FOXP1: variants seen among roughly 807,000 people sequenced by gnomAD.
The protein encoded by FOXP1 is forkhead box P1.
Under a neutral mutation model 98.2 loss-of-function variants are expected in FOXP1, and 15 were observed. The ratio of observed to expected loss-of-function variants is 0.15; its 90% CI spans 0.10 to 0.24. FOXP1 has a LOEUF of 0.24. Among genes scored for constraint, FOXP1 ranks in the 10% least tolerant of loss-of-function variants. FOXP1 has a pLI of 1.00. For synonymous variants in FOXP1, 371 were observed against 314.5 expected (o/e 1.18, Z -1.90); for missense variants, 633 against 848.5 (o/e 0.75, Z 3.15).
intron 5 of FOXP1, among the ~76,000 whole-genome samples, chr3:71,228,967 G>GTTT (rs1553789880): frequency 1.9e-4 from 11 of 59,370 alleles, no homozygotes; most frequent in African/African-American, 6.1e-4. Flanking sequence ...ACTGTTGGTT[G>GTTT]TTTTTTTTTT....
intron 5 of FOXP1, among the ~76,000 whole-genome samples, chr3:71,204,690 G>T (rs2063905563): frequency 6.6e-6 from 1 of 152,190 alleles, no homozygotes; most frequent in African/African-American, 2.4e-5. Flanking sequence ...CAGACAGAAA[G>T]ATGGCAGCCC....
intron 5 of FOXP1, among the ~76,000 whole-genome samples, chr3:71,299,046 C>T (rs572000069): frequency 1.3e-5 from 2 of 152,168 alleles, no homozygotes; most frequent in East Asian, 1.9e-4. Context: ...TTAAAACGAC[C>T]GGCAGGATCA....
chr3:71,138,164 G>A (rs562332219), intron 6 of FOXP1, among the ~76,000 whole-genome samples: 10 of 152,268 alleles, frequency 6.6e-5, no homozygotes, highest in African/African-American at 2.2e-4. Context: ...TCCTGTGTGC[G>A]CAGAATGGTG....
intron 3 of FOXP1, among the ~76,000 whole-genome samples, chr3:71,362,157 T>C (rs946817625): frequency 1.3e-4 from 20 of 152,066 alleles, no homozygotes; most frequent in Admixed American, 6.5e-5. Flanking sequence ...GAATGAAAAT[T>C]TGTGTTTTAT....
chr3:71,266,567 T>C (rs2069687757), intron 5 of FOXP1, among the ~76,000 whole-genome samples: 1 of 152,166 alleles, frequency 6.6e-6, no homozygotes, highest in Admixed American at 6.5e-5. Context: ...CTTTTGCTTA[T>C]TTTTATTTTT....
chr3:71,462,012 A>C (rs1041481118), intron 3 of FOXP1, among the ~76,000 whole-genome samples: 2 of 152,180 alleles, frequency 1.3e-5, no homozygotes, highest in African/African-American at 4.8e-5. Context: ...GAATGCTAAC[A>C]AGGACGTCCC....
intron 5 of FOXP1, among the ~76,000 whole-genome samples, chr3:71,200,083 CAAAAAAAAAAAA>C (rs61281811): frequency 2.6e-5 from 2 of 76,110 alleles, no homozygotes; most frequent in African/African-American, 1.1e-4. Context: ...CTCCATCTCA[CAAAAAAAAAAAA>C]AAAAAAAAAA....
intron 3 of FOXP1, among the ~76,000 whole-genome samples, chr3:71,420,088 C>T (rs976675677): frequency 4.6e-5 from 7 of 152,198 alleles, no homozygotes; most frequent in African/African-American, 4.8e-5. Context: ...GGAGCCACTG[C>T]GCCCGACCAG....
chr3:71,476,385 G>C (rs1273467529), intron 3 of FOXP1, among the ~76,000 whole-genome samples: 1 of 148,562 alleles, frequency 6.7e-6, no homozygotes, highest in Non-Finnish European at 1.5e-5. Flanking sequence ...TCCTTCTGTT[G>C]GATATTTCTT....
At chr3:71,524,773 G>C (rs2043244475) in intron 2 of FOXP1, among the ~76,000 whole-genome samples, 1 of 152,206 alleles carries the variant, frequency 6.6e-6, no homozygotes, top group Non-Finnish European at 1.5e-5. Flanking sequence ...GGACTAGGCA[G>C]TAATCAGAAA....
chr3:71,435,927 C>T (rs1197284063), intron 3 of FOXP1, among the ~76,000 whole-genome samples: 2 of 27,708 alleles, frequency 7.2e-5, no homozygotes, highest in East Asian at 9.1e-4. Flanking sequence ...GAGGAAGGGA[C>T]GGAGGGAGGG....
chr3:71,021,127 T>C (rs1576223105), intron 11 of FOXP1, among the ~76,000 whole-genome samples: 3 of 152,300 alleles, frequency 2.0e-5, no homozygotes. Context: ...GTAACCATCA[T>C]CACCAACTAA....
chr3:70,970,414 T>A (rs1575737291), intron 19 of FOXP1: 1 of 369,026 alleles, frequency 2.7e-6, no homozygotes. Context: ...CATTAATAGC[T>A]GTGCTAGAGT....
intron 6 of FOXP1, among the ~76,000 whole-genome samples, chr3:71,178,567 G>A (rs1560070488): frequency 6.6e-6 from 1 of 152,050 alleles, no homozygotes; most frequent in Non-Finnish European, 1.5e-5. Flanking sequence ...TGGTCAATGT[G>A]GTGACACCTT....
intron 4 of FOXP1, chr3:71,334,897 T>TA (rs1392704213): frequency 2.0e-5 from 3 of 152,120 alleles, no homozygotes; most frequent in Admixed American, 2.0e-4. Context: ...ACAATAGGGT[T>TA]AGAGTTAAAA....
rs150133192 is a variant in FOXP1 at position 70,975,055 on chromosome 3, C to T, written c.1530+1886G>A. ...TAAGATCATGGTACAAACAAGGACA[C>T]GTACAGAAAATTATACGTATTTATG... is the stretch of plus-strand genomic sequence containing the variant. On this transcript the variant is annotated intron_variant, in intron 17 of 20. Transcript: ENST00000649528. Among the ~76,000 whole-genome samples the T allele has an allele frequency of 1.8e-3, 276 of 152,236 alleles. 1 individual carries two copies. Among genetic ancestry groups the T allele is most frequent in the African/African-American group, 6.0e-3 (251 of 41,542 alleles).
chr3:71,583,646 C>T lies in FOXP1; in HGVS notation c.-522G>A. 1 of 984,410 alleles carries T rather than the reference C, an allele frequency of 1.0e-6. No individual in the cohort carries two copies. The highest frequency in any genetic ancestry group is 1.2e-6 in the Non-Finnish European group (1 of 829,594). The allele number at this position is 984,410 out of a possible 1,614,324, so 61.0% of individuals were successfully genotyped here. A position where few individuals can be genotyped will look rare whatever the true frequency, so the allele number is the denominator to read the frequency against. On this transcript the variant is annotated 5_prime_UTR_variant, in exon 1 of 21. Transcript: ENST00000649528. ...CCGCGCGCGCCCACTCCCGCCCGCG[C>T]GCGCACCCCGCGCACACACTCACTC...
chr3:71,093,621 C>A (rs1164303789), intron 7 of FOXP1, among the ~76,000 whole-genome samples: 1 of 151,020 alleles, frequency 6.6e-6, no homozygotes, highest in East Asian at 2.0e-4. Flanking sequence ...ATATGCAATT[C>A]TCTACTTCAG....
chr3:71,019,846 A>C lies in FOXP1; in HGVS notation c.870-4193T>G, dbSNP rs573308981. 7.3e-3 allele frequency among the ~76,000 whole-genome samples: 1,113 copies of C among 151,848 alleles called. 14 individuals are homozygous for C. Among genetic ancestry groups the C allele is most frequent in the African/African-American group, 0.023 (935 of 41,316 alleles). ...AGCGAGACACGGTCCCCCCCCCAAA[A>C]AAAACAAAACAAAACAAAACAAAAC... On this transcript the variant is annotated intron_variant, in intron 11 of 20. Transcript: ENST00000649528.
Sources: gnomAD v4.1 joint callset for allele counts (sites outside exome capture counted in the v4.1 genomes callset) on GRCh38, gnomAD v4.1.1 for gene constraint, MANE v1.5 for transcripts, NCBI Gene and HGNC (gene_info 2026-07-23, HGNC 2026-07-21) for gene names.